Variants in GDPD5 observed in about 807,000 individuals in gnomAD.
GDPD5 encodes the protein glycerophosphodiester phosphodiesterase domain containing 5, also known as glycerophosphodiester phosphodiesterase 2.
GDPD5 carries 48 observed loss-of-function variants against 75.1 expected under a neutral mutation model. The observed-to-expected ratio is 0.64, with a 90% CI of 0.51 to 0.81. The LOEUF (loss-of-function observed/expected upper bound fraction) is 0.81. Among genes scored for constraint, GDPD5 ranks in the 40% least tolerant of loss-of-function variants. The pLI is 0.00. For synonymous variants in GDPD5, 336 were observed against 339.0 expected (o/e 0.99, Z 0.10); for missense variants, 706 against 822.6 (o/e 0.86, Z 1.73).
intron 3 of GDPD5, among the ~76,000 whole-genome samples, chr11:75,465,101 T>C (rs1192537185): frequency 2.0e-5 from 3 of 152,062 alleles, no homozygotes; most frequent in Admixed American, 6.5e-5. Context: ...TCCCAAAGGG[T>C]GAACCATGTC....
At chr11:75,498,827 C>G (rs552750814) in intron 1 of GDPD5, among the ~76,000 whole-genome samples, 1 of 105,190 alleles carries the variant, frequency 9.5e-6, no homozygotes, top group East Asian at 3.3e-4. Flanking sequence ...AGGTCCTGGG[C>G]AATCAGCACC....
In GDPD5 at chr11:75,504,921, T is replaced by C. The variant is rs112347516; in HGVS notation, c.-144-14601A>G. Among the ~76,000 whole-genome samples, 816 of 151,766 alleles carry C rather than the reference T, an allele frequency of 5.4e-3. 7 individuals carry two copies. Among genetic ancestry groups the C allele is most frequent in the African/African-American group, 0.019 (779 of 41,368 alleles). ...GGCAGGCGGATCATGAGGTCAGGAG[T>C]TCGAGACCAGCCCGACCAACTTGGT... On this transcript the variant is annotated intron_variant, in intron 1 of 16. Transcript: ENST00000336898.
At chr11:75,460,580 G>A (rs1353566424) in intron 4 of GDPD5, among the ~76,000 whole-genome samples, 2 of 152,028 alleles carry the variant, frequency 1.3e-5, no homozygotes, top group African/African-American at 2.4e-5. Flanking sequence ...GAGTAGCTGG[G>A]ACCACAGGCA....
intron 16 of GDPD5, 113 bp downstream of exon 16, chr11:75,436,823 T>C (rs1948638244): frequency 1.3e-6 from 1 of 767,354 alleles, no homozygotes; most frequent in Non-Finnish European, 2.2e-6. Flanking sequence ...TGTGCCCTTG[T>C]CCCTACCCAT....
rs539425289 is a variant in GDPD5, at chr11:75,478,009, C to G, written c.-60-214G>C. Among the ~76,000 whole-genome samples the G allele has an allele frequency of 5.4e-3, 826 of 152,310 alleles. 27 individuals carry two copies. Among genetic ancestry groups the G allele is most frequent in the Non-Finnish European group, 2.0e-3 (137 of 68,024 alleles). On this transcript the variant is annotated intron_variant, in intron 2 of 16. Coordinates refer to ENST00000336898, the MANE Select transcript of GDPD5 (RefSeq NM_030792.8). The stretch of plus-strand genomic sequence containing the variant: ...AGGCCCTCATCCTCCCTACTCCTTC[C>G]CCTCCAGCCACTCCTGACCTCTTCC...
At chr11:75,456,310 T>C (rs934167178) in intron 6 of GDPD5, among the ~76,000 whole-genome samples, 1 of 151,992 alleles carries the variant, frequency 6.6e-6, no homozygotes, top group African/African-American at 2.4e-5. Context: ...AGTTGGGGAA[T>C]GCCATCGCCA....
At position 75,439,232 on chromosome 11, in the gene GDPD5, C is replaced by CCCAGGCACA. The variant is rs1948718340; in HGVS notation, c.1556+646_1556+647insTGTGCCTGG. ...GGCGAGCGCGCTGTCTGCGAGGTGG[C>CCCAGGCACA]CCGGGCACAGGGCTTGGTGCACGGT... On this transcript the variant is annotated intron_variant, in intron 15 of 16. Coordinates refer to ENST00000336898, the MANE Select transcript of GDPD5 (RefSeq NM_030792.8). 1.4e-5 allele frequency: 6 copies of CCCAGGCACA among 422,708 alleles called. No individual in the cohort carries two copies. In the Admixed American group the frequency reaches 1.5e-4, roughly 11 times the overall value. The allele number at this position is 422,708 out of a possible 1,614,324, so 26.2% of individuals were successfully genotyped here.
intron 9 of GDPD5, chr11:75,448,476 G>C (rs906802995): frequency 1.0e-6 from 1 of 985,624 alleles, no homozygotes; most frequent in Admixed American, 6.1e-5. Context: ...CATGGCTCTG[G>C]AGCCTGCCCT....
intron 4 of GDPD5, among the ~76,000 whole-genome samples, chr11:75,458,442 G>T (rs1949339290): frequency 6.6e-6 from 1 of 152,196 alleles, no homozygotes; most frequent in African/African-American, 2.4e-5. Flanking sequence ...GGAGGCTGAG[G>T]CGGGCGGATC....
chr11:75,446,394 G>A (rs1444590974), intron 9 of GDPD5, among the ~76,000 whole-genome samples: 3 of 152,140 alleles, frequency 2.0e-5, no homozygotes, highest in Non-Finnish European at 2.9e-5. Flanking sequence ...CTTAGTCCCC[G>A]TCTCAGAGCT....
intron 6 of GDPD5, among the ~76,000 whole-genome samples, chr11:75,453,616 TA>T (rs59758693): frequency 2.9e-3 from 396 of 136,866 alleles, no homozygotes; most frequent in African/African-American, 5.7e-3. Context: ...AGACTGTCTC[TA>T]AAAAAAAAAA....
intron 1 of GDPD5, among the ~76,000 whole-genome samples, chr11:75,522,072 C>T (rs1249028157): frequency 2.0e-5 from 3 of 152,102 alleles, no homozygotes; most frequent in Non-Finnish European, 2.9e-5. Context: ...CCATCCTCCT[C>T]GCCCCAAGTT....
intron 1 of GDPD5, among the ~76,000 whole-genome samples, chr11:75,492,762 C>T (rs769770195): frequency 6.6e-6 from 1 of 152,130 alleles, no homozygotes; most frequent in Non-Finnish European, 1.5e-5. Flanking sequence ...GACGGAGTTT[C>T]GCTCTTGTTG....
At chr11:75,471,119 T>G (rs1454443853) in intron 3 of GDPD5, among the ~76,000 whole-genome samples, 1 of 152,160 alleles carries the variant, frequency 6.6e-6, no homozygotes, top group Non-Finnish European at 1.5e-5. Context: ...GCTCTTCCAA[T>G]GGTCAGCCTG....
chr11:75,474,316 G>A (rs1949735229), intron 3 of GDPD5, among the ~76,000 whole-genome samples: 1 of 152,254 alleles, frequency 6.6e-6, no homozygotes, highest in Non-Finnish European at 1.5e-5. Context: ...AGCTGGTTTT[G>A]ACACTGCCTT....
intron 6 of GDPD5, among the ~76,000 whole-genome samples, chr11:75,454,667 C>T (rs555143075): frequency 1.3e-5 from 2 of 152,132 alleles, no homozygotes; most frequent in Non-Finnish European, 2.9e-5. Flanking sequence ...AGAAGGAGCT[C>T]CAAGAATTCT....
chr11:75,440,553 T>C (rs1948763921), intron 14 of GDPD5, among the ~76,000 whole-genome samples: 1 of 152,174 alleles, frequency 6.6e-6, no homozygotes, highest in African/African-American at 2.4e-5. Context: ...AGATTTTAAT[T>C]GTTTCCTATT....
chr11:75,491,904 A>C (rs1950115941), intron 1 of GDPD5, among the ~76,000 whole-genome samples: 1 of 152,160 alleles, frequency 6.6e-6, no homozygotes. Context: ...ACAGCCATCA[A>C]GCCCCTCCCC....
intron 1 of GDPD5, among the ~76,000 whole-genome samples, chr11:75,503,933 G>A (rs1463307336): frequency 6.6e-6 from 1 of 152,218 alleles, no homozygotes; most frequent in Non-Finnish European, 1.5e-5. Context: ...CTGGGGAGCT[G>A]ATCCCTCCTA....
Sources: allele counts gnomAD v4.1 joint callset (sites outside exome capture counted in the v4.1 genomes callset), GRCh38; gene constraint gnomAD v4.1.1; transcripts MANE v1.5; gene names NCBI Gene and HGNC (gene_info 2026-07-23, HGNC 2026-07-21).